FAM91A1: variants seen among roughly 807,000 people sequenced by gnomAD.
FAM91A1 encodes family with sequence similarity 91 member A1.
Under a neutral mutation model 113.5 loss-of-function variants are expected in FAM91A1, and 41 were observed. The ratio of observed to expected loss-of-function variants is 0.36; its 90% confidence interval spans 0.28 to 0.47. The LOEUF (loss-of-function observed/expected upper bound fraction) is 0.47, where lower values mean the gene tolerates loss of function less well. Among genes scored for constraint, FAM91A1 ranks in the 20% least tolerant of loss-of-function variants. FAM91A1 has a pLI of 1.00. For synonymous variants in FAM91A1, 307 were observed against 347.9 expected, an observed-to-expected ratio of 0.88 and a Z score of 1.31; for missense variants, 696 against 1,001.2, an observed-to-expected ratio of 0.70 and a Z score of 4.11.
intron 14 of FAM91A1, chr8:123,788,247 C>T (rs1354994139): frequency 5.1e-6 from 5 of 984,878 alleles, no homozygotes; most frequent in South Asian, 4.7e-5. Context: ...CCTTTTTCCC[C>T]GTGAGTACAG....
chr8:123,779,443 T>G (rs1815065969), intron 6 of FAM91A1, among the ~76,000 whole-genome samples: 1 of 152,210 alleles, frequency 6.6e-6, no homozygotes, highest in South Asian at 2.1e-4. Context: ...TGAGGGCACC[T>G]AGAGACCAGG....
At chr8:123,797,402 A>G (rs570748668) in intron 15 of FAM91A1, among the ~76,000 whole-genome samples, 3 of 152,264 alleles carry the variant, frequency 2.0e-5, no homozygotes, top group East Asian at 1.9e-4. Flanking sequence ...AGTTACACCC[A>G]TCATGCCTGC....
intron 1 of FAM91A1, among the ~76,000 whole-genome samples, chr8:123,770,102 G>A (rs1430261743): frequency 6.6e-6 from 1 of 152,148 alleles, no homozygotes; most frequent in Non-Finnish European, 1.5e-5. Flanking sequence ...ACAGGTGCGC[G>A]CCACCACGCC....
At chr8:123,774,848 A>G (rs558706306) in intron 2 of FAM91A1, among the ~76,000 whole-genome samples, 2 of 152,310 alleles carry the variant, frequency 1.3e-5, no homozygotes, top group East Asian at 1.9e-4. Context: ...GTAGTAGAAT[A>G]CAATTCAATA....
chr8:123,778,714 T>C lies in FAM91A1; in HGVS notation c.491T>C (p.Ile164Thr). The stretch of plus-strand genomic sequence containing the variant: ...CTTCTACCAATAAAGCCAGTGGAAA[T>C]TGCCATAGAGGCGTGGTGGGTGGTG... ...RDLLPIKPVE[I>T]AIEAWWVVQA... Residue 164 changes from isoleucine to threonine, a missense_variant, in exon 6 of 24, where the codon ATT becomes ACT. Ile to Thr is a moderately conservative substitution (Grantham distance 89). Coordinates refer to ENST00000334705, the MANE Select transcript of FAM91A1 (RefSeq NM_144963.4). 1 of 1,609,642 alleles carries C rather than the reference T, an allele frequency of 6.2e-7. No homozygotes were observed. Among genetic ancestry groups the C allele is most frequent in the South Asian group, 1.1e-5 (1 of 90,806 alleles).
chr8:123,792,708 T>C (rs191844050), intron 15 of FAM91A1, among the ~76,000 whole-genome samples: 146 of 152,298 alleles, frequency 9.6e-4, no homozygotes, highest in Middle Eastern at 3.4e-3. Context: ...TATCTATACT[T>C]GACATTGATA....
chr8:123,783,882 G>A (rs1354028560), intron 8 of FAM91A1, among the ~76,000 whole-genome samples: 1 of 152,198 alleles, frequency 6.6e-6, no homozygotes, highest in Non-Finnish European at 1.5e-5. Flanking sequence ...TTGCCACTGA[G>A]GCCCACTGGG....
At chr8:123,779,580 A>G (rs954626987) in intron 6 of FAM91A1, among the ~76,000 whole-genome samples, 2 of 152,208 alleles carry the variant, frequency 1.3e-5, no homozygotes, top group Non-Finnish European at 2.9e-5. Flanking sequence ...ACTTCAGTCT[A>G]AAGTACCTCT....
chr8:123,803,466 A>G (rs2130143669), intron 18 of FAM91A1, among the ~76,000 whole-genome samples: 1 of 152,076 alleles, frequency 6.6e-6, no homozygotes, highest in East Asian at 1.9e-4. Flanking sequence ...TCACGCCACC[A>G]TGCCTGGCTA....
intron 15 of FAM91A1, among the ~76,000 whole-genome samples, chr8:123,791,693 G>A (rs1461897557): frequency 6.6e-6 from 1 of 152,178 alleles, no homozygotes; most frequent in Non-Finnish European, 1.5e-5. Context: ...ACATGGAAAT[G>A]ATTGGCGTGA....
At chr8:123,772,963 G>C (rs1466969260) in intron 1 of FAM91A1, among the ~76,000 whole-genome samples, 1 of 152,176 alleles carries the variant, frequency 6.6e-6, no homozygotes, top group Non-Finnish European at 1.5e-5. Flanking sequence ...CTGAGGAGGA[G>C]GAGGAGGAGG....
Position 123,806,132 on chromosome 8 carries a change from C to T in FAM91A1, c.1935C>T (p.Asn645=), listed in dbSNP as rs369174862. Residue 645 remains asparagine, a synonymous_variant, in exon 20 of 24, where the codon AAC becomes AAT. Coordinates refer to ENST00000334705, the MANE Select transcript of FAM91A1 (RefSeq NM_144963.4). ...GVHKALQILR[N]RVDLQHLCGY... is the part of the protein sequence containing the mutation. ...ATAAAGCATTGCAGATACTAAGGAACAGAGTGGACTTACAGCATCTCTGTG... is the reference window on the plus strand; with the variant it reads ...ATAAAGCATTGCAGATACTAAGGAATAGAGTGGACTTACAGCATCTCTGTG... 1.4e-5 allele frequency: 22 copies of T among 1,612,508 alleles called. No homozygotes were observed. The Admixed American group carries it at 1.7e-4, about 12-fold the overall frequency.
rs779474270 is a variant in FAM91A1, at chr8:123,798,218, G to A, written c.1540G>A (p.Val514Ile). Residue 514 changes from valine to isoleucine, a missense_variant, in exon 16 of 24, where the codon GTC (valine) becomes ATC (isoleucine). By Grantham distance (29) the Val-to-Ile change is conservative (BLOSUM62 3). Coordinates refer to ENST00000334705, the MANE Select transcript of FAM91A1 (RefSeq NM_144963.4). ...TCCCCTCACCAATGAAATCCGGCCT[G>A]TCAGCAGCTGCACCCCTCAGGTAAA... Reference protein sequence around the residue: ...MAPLTNEIRPVSSCTPQHIGP... With the variant: ...MAPLTNEIRPISSCTPQHIGP... 7.4e-6 allele frequency: 12 copies of A among 1,613,800 alleles called. No homozygotes were observed. Among genetic ancestry groups the A allele is most frequent in the Non-Finnish European group, 1.0e-5 (12 of 1,179,946 alleles).
At chr8:123,777,399 A>G in intron 4 of FAM91A1, 77 bp downstream of exon 4, 4 of 1,345,056 alleles carry the variant, frequency 3.0e-6, no homozygotes, top group Non-Finnish European at 4.2e-6. Context: ...GAATATTGTC[A>G]TGTGTGTTTT....
Position 123,792,469 on chromosome 8 carries a change from T to C in FAM91A1, c.1411+2724T>C, listed in dbSNP as rs954156383. On this transcript the variant is annotated intron_variant, in intron 15 of 23. Coordinates refer to ENST00000334705, the MANE Select transcript of FAM91A1 (RefSeq NM_144963.4). ...TCTCGTTTTCTAAGCATGATTTTTT[T>C]CCCCCAGGTATCTTTGTCTTTAAAA... is the stretch of plus-strand genomic sequence containing the variant. Among the ~76,000 whole-genome samples the C allele has an allele frequency of 3.9e-5, 6 of 152,266 alleles. 1 individual carries two copies. Among genetic ancestry groups the C allele is most frequent in the South Asian group, 4.1e-4 (2 of 4,826 alleles).
At chr8:123,775,648 A>T (rs912202110) in intron 3 of FAM91A1, among the ~76,000 whole-genome samples, 1 of 152,178 alleles carries the variant, frequency 6.6e-6, no homozygotes, top group African/African-American at 2.4e-5. Context: ...TGGGTGACAG[A>T]ATTGAACATT....
At chr8:123,780,613 T>C in intron 8 of FAM91A1, 71 bp downstream of exon 8, 1 of 1,216,428 alleles carries the variant, frequency 8.2e-7, no homozygotes, top group Non-Finnish European at 1.2e-6. Flanking sequence ...ATATCATCCG[T>C]TCTAGGATCT....
At chr8:123,805,779 G>A (rs1815788584) in intron 19 of FAM91A1, among the ~76,000 whole-genome samples, 1 of 152,178 alleles carries the variant, frequency 6.6e-6, no homozygotes, top group Admixed American at 6.5e-5. Context: ...GGGGATTATT[G>A]TGTGAATTAT....
At chr8:123,810,504 A>G in intron 23 of FAM91A1, 153 bp downstream of exon 23, 1 of 808,786 alleles carries the variant, frequency 1.2e-6, no homozygotes, top group Non-Finnish European at 2.1e-6. Flanking sequence ...CAAGAAGTTA[A>G]TGGACTTGCA....
Sources: allele counts gnomAD v4.1 joint callset (sites outside exome capture counted in the v4.1 genomes callset), GRCh38; gene constraint gnomAD v4.1.1; transcripts MANE v1.5; gene names NCBI Gene and HGNC (gene_info 2026-07-23, HGNC 2026-07-21).